Variants in TAF1 observed in about 807,000 individuals in gnomAD.
TAF1 encodes the protein transcription initiation factor TFIID subunit 1.
Under a neutral mutation model 138.5 loss-of-function variants are expected in TAF1, and 2 were observed. That is an observed-to-expected ratio of 0.01 (90% confidence interval 0.01 to 0.05). The LOEUF is 0.05. Among genes scored for constraint, TAF1 ranks in the 10% least tolerant of loss-of-function variants. The pLI is 1.00. For synonymous variants in TAF1, 437 were observed against 503.2 expected (o/e 0.87, Z 1.76); for missense variants, 709 against 1,478.0 (o/e 0.48, Z 8.53).
intron 13 of TAF1, among the ~76,000 whole-genome samples, chrX:71,483,790 A>C (rs1335120354): frequency 4.2e-5 from 4 of 95,784 alleles, no homozygotes; most frequent in African/African-American, 1.2e-4. Flanking sequence ...CTATATATAT[A>C]TATATATATA....
At chrX:71,463,715 A>G in intron 37 of TAF1, 109 bp from the exon 38 acceptor site, 2 of 716,572 alleles carry the variant, frequency 2.8e-6, no homozygotes, top group South Asian at 5.1e-5. Context: ...CAGTCACTTT[A>G]GTGTCCAGGG....
chrX:71,389,519 A>G, intron 17 of TAF1, 66 bp from the exon 18 acceptor site: 5 of 832,875 alleles, frequency 6.0e-6, no homozygotes, highest in Non-Finnish European at 8.4e-6. Flanking sequence ...TGTATTCAGT[A>G]AAAAAAAAAC....
chrX:71,485,306 A>AT (rs1253520722), intron 13 of TAF1, among the ~76,000 whole-genome samples: 5 of 112,387 alleles, frequency 4.4e-5, no homozygotes. Flanking sequence ...GCTATAGTAC[A>AT]TTATTGGTCC....
At position 71,519,653 on chromosome X, in the gene TAF1, A is replaced by G. The variant is rs766811020; in HGVS notation, c.1367-8889A>G. 2.8e-5 allele frequency among the ~76,000 whole-genome samples: 3 copies of G among 107,800 alleles called. No individual in the cohort carries two copies. The South Asian group carries it at 1.1e-3, about 41-fold the overall frequency. The allele number at this position is 107,800 out of a possible 115,157, so 93.6% of individuals were successfully genotyped here. A position where few individuals can be genotyped will look rare whatever the true frequency, so the allele number is the denominator to read the frequency against. ...GCGAGACTCCATCTCAAAAAAATAAAAATAAAAAAAATAAAAACAAATAAA... is the reference window on the plus strand; with the variant it reads ...GCGAGACTCCATCTCAAAAAAATAAGAATAAAAAAAATAAAAACAAATAAA... On this transcript the variant is annotated intron_variant and NMD_transcript_variant, in intron 13 of 14. Coordinates refer to the TAF1 transcript ENST00000373775.
chrX:71,459,801 A>C (rs1163418933), intron 36 of TAF1, 93 bp downstream of exon 36: 1 of 1,150,935 alleles, frequency 8.7e-7, no homozygotes, highest in East Asian at 3.0e-5. Flanking sequence ...ATATGCTTTT[A>C]TTGGAAGCTG....
intron 23 of TAF1, 75 bp from the exon 24 acceptor site, chrX:71,398,497 A>G (rs1445987928): frequency 6.1e-6 from 7 of 1,154,221 alleles, no homozygotes; most frequent in Non-Finnish European, 8.1e-6. Context: ...GATGTTAGCT[A>G]TCACGATAGT....
chrX:71,463,586 G>T (rs2038642042), intron 37 of TAF1, among the ~76,000 whole-genome samples: 1 of 112,031 alleles, frequency 8.9e-6, no homozygotes, highest in African/African-American at 3.2e-5. Flanking sequence ...AGATGGCAGT[G>T]TGTTGTTCAG....
intron 32 of TAF1, among the ~76,000 whole-genome samples, chrX:71,452,162 A>AC (rs1488652542): frequency 2.2e-4 from 17 of 77,712 alleles, no homozygotes; most frequent in African/African-American, 6.2e-4. Flanking sequence ...CGGGGGGCTG[A>AC]CCCCCCCACC....
chrX:71,400,710 A>C (rs1409424222), intron 24 of TAF1, among the ~76,000 whole-genome samples: 1 of 112,362 alleles, frequency 8.9e-6, no homozygotes, highest in Admixed American at 9.5e-5. Flanking sequence ...TGATATGTCC[A>C]CAGTGTTGTT....
At chrX:71,376,783 C>T (rs746416436) in intron 4 of TAF1, among the ~76,000 whole-genome samples, 167 bp from the exon 5 acceptor site, 16 of 111,279 alleles carry the variant, frequency 1.4e-4, no homozygotes, top group Non-Finnish European at 1.9e-4. Context: ...TGGGAGATAA[C>T]GAGTTAGAAT....
intron 3 of TAF1, among the ~76,000 whole-genome samples, chrX:71,369,564 G>A (rs764918751): frequency 9.1e-6 from 1 of 110,181 alleles, no homozygotes; most frequent in South Asian, 3.8e-4. Flanking sequence ...GACATTGTTT[G>A]AGCACTTGTT....
intron 9 of TAF1, 37 bp downstream of exon 9, chrX:71,381,956 T>C (rs777875113): frequency 9.0e-7 from 1 of 1,113,802 alleles, no homozygotes; most frequent in Non-Finnish European, 1.2e-6. Context: ...TCTTCTCCTT[T>C]GAAAACTTGC....
intron 26 of TAF1, among the ~76,000 whole-genome samples, 193 bp downstream of exon 26, chrX:71,406,939 G>A (rs1347695083): frequency 9.7e-5 from 10 of 102,913 alleles, no homozygotes; most frequent in Non-Finnish European, 1.4e-4. Flanking sequence ...TTTTTGAGAC[G>A]GAATCTCACT....
In TAF1 at chrX:71,366,508, CG is replaced by C; in HGVS notation, c.120+15del. 2.7e-4 allele frequency: 41 copies of C among 149,485 alleles called. No individual in the cohort carries two copies. Among genetic ancestry groups the C allele is most frequent in the South Asian group, 4.2e-4 (2 of 4,721 alleles). The allele number at this position is 149,485 out of a possible 1,213,427, so 12.3% of individuals were successfully genotyped here. ...GTCTTGGATGATGTGAGGGGGTGGG[CG>C]TGGGGGTAGGGCTCGGGGGGTGGGG... On this transcript the variant is annotated intron_variant, in intron 1 of 37. Coordinates refer to ENST00000423759, the MANE Select transcript of TAF1 (RefSeq NM_004606.5).
At chrX:71,389,007 A>G (rs756306833) in intron 17 of TAF1, 139 bp downstream of exon 17, 14 of 727,618 alleles carry the variant, frequency 1.9e-5, no homozygotes, top group East Asian at 7.0e-5. Flanking sequence ...ACCAATTACT[A>G]AAAAGTTCAA....
At chrX:71,474,170 G>A (rs191467040) in intron 13 of TAF1, among the ~76,000 whole-genome samples, 42 of 110,347 alleles carry the variant, frequency 3.8e-4, no homozygotes, top group African/African-American at 1.3e-3. Context: ...GAGAGAGAGA[G>A]CAAGCAAGCA....
chrX:71,498,992 G>A (rs974146213), intron 13 of TAF1, among the ~76,000 whole-genome samples: 1 of 111,238 alleles, frequency 9.0e-6, no homozygotes, highest in Non-Finnish European at 1.9e-5. Flanking sequence ...AACATACCCG[G>A]GGCTCAGTGA....
In TAF1 at chrX:71,382,521, T is replaced by C. The variant is rs1359450312; in HGVS notation, c.1538-15T>C. On this transcript the variant is annotated splice_polypyrimidine_tract_variant and intron_variant, in intron 9 of 37. Transcript: ENST00000423759. Reference sequence around the variant, plus strand: ...TCAGGGAGAGCAACTCAAGTGATTTTTGTTTTATTCTCAGAAATTCCTGAT... The same window carrying C: ...TCAGGGAGAGCAACTCAAGTGATTTCTGTTTTATTCTCAGAAATTCCTGAT... 1.7e-6 allele frequency: 2 copies of C among 1,200,036 alleles called. No homozygotes were observed. Among genetic ancestry groups the C allele is most frequent in the Non-Finnish European group, 2.2e-6 (2 of 892,474 alleles).
At position 71,508,086 on chromosome X, in the gene TAF1, C is replaced by CTCTCTCTCTCTA. The variant is rs4040068; in HGVS notation, c.1367-20455_1367-20454insCTCTCTCTCTAT. Among the ~76,000 whole-genome samples the CTCTCTCTCTCTA allele has an allele frequency of 1.1e-3, 100 of 92,167 alleles. 1 individual carries two copies. The highest frequency in any genetic ancestry group is 3.8e-3 in the African/African-American group (88 of 23,323). The allele number at this position is 92,167 out of a possible 115,157, so 80.0% of individuals were successfully genotyped here. A position where few individuals can be genotyped will look rare whatever the true frequency, so the allele number is the denominator to read the frequency against. On this transcript the variant is annotated intron_variant and NMD_transcript_variant, in intron 13 of 14. Coordinates refer to the TAF1 transcript ENST00000373775. Reference sequence around the variant, plus strand: ...GAATATTCTCTCTCTCTCTCTCTCTCTATATATATATATATATATATATAT... The same window carrying CTCTCTCTCTCTA: ...GAATATTCTCTCTCTCTCTCTCTCTCTCTCTCTCTCTATATATATATATATATATATATATAT...
Sources: gnomAD v4.1 joint callset for allele counts (sites outside exome capture counted in the v4.1 genomes callset) on GRCh38, gnomAD v4.1.1 for gene constraint, MANE v1.5 for transcripts, NCBI Gene and HGNC (gene_info 2026-07-23, HGNC 2026-07-21) for gene names.